The following ANKRD27 variants were observed in gnomAD, a reference collection of about 807,000 sequenced individuals.
ANKRD27 encodes the protein ankyrin repeat domain 27, also known as ankyrin repeat domain-containing protein 27.
A neutral mutation model predicts 129.7 loss-of-function variants in ANKRD27; 112 were observed. The observed-to-expected ratio is 0.86, with a 90% confidence interval of 0.74 to 1.01. The LOEUF (loss-of-function observed/expected upper bound fraction) is 1.01. ANKRD27 is among the 50% of genes least tolerant of loss of function. The pLI, the probability that ANKRD27 is intolerant of heterozygous loss-of-function variation, is 0.00. For synonymous variants in ANKRD27, 516 were observed against 511.2 expected (o/e 1.01, Z -0.13); for missense variants, 1,258 against 1,300.5 (o/e 0.97, Z 0.50).
Position 32,622,541 on chromosome 19 carries a change from G to A in ANKRD27, c.1708C>T (p.His570Tyr), listed in dbSNP as rs901881084. The part of the protein sequence containing the change: ...IGNEKGDTPL[H>Y]IAARWGYQGV... ...TGGTAGCCCCAGCGGGCAGCAATGTGTAGAGGGGTGTCTCCTTTCTCATTG... is the reference window on the plus strand; with the variant it reads ...TGGTAGCCCCAGCGGGCAGCAATGTATAGAGGGGTGTCTCCTTTCTCATTG... The change falls in exon 18 of 29, where the codon CAC (histidine) becomes TAC (tyrosine). Residue 570 changes from histidine (H) to tyrosine (Y), a missense_variant. Transcript: ENST00000306065. The A allele has an allele frequency of 3.1e-6, 5 of 1,614,026 alleles. No homozygotes were observed. The highest frequency in any genetic ancestry group is 4.2e-6 in the Non-Finnish European group (5 of 1,180,038).
intron 12 of ANKRD27, among the ~76,000 whole-genome samples, chr19:32,635,707 C>A (rs970036413): frequency 6.6e-6 from 1 of 152,068 alleles, no homozygotes; most frequent in Non-Finnish European, 1.5e-5. Context: ...ATCCGAGATG[C>A]GATGGATGAC....
rs79299930 is a variant in ANKRD27, at chr19:32,657,847, C to T, written c.102+1067G>A. 2.1e-3 allele frequency among the ~76,000 whole-genome samples: 312 copies of T among 151,812 alleles called. 1 individual carries two copies. Among genetic ancestry groups the T allele is most frequent in the African/African-American group, 7.1e-3 (292 of 41,394 alleles). Reference sequence around the variant, plus strand: ...AAAATTAGCTGGACGTGGTTGCACACACCTGCAATCCCAGATACTTGGGAG... The same window carrying T: ...AAAATTAGCTGGACGTGGTTGCACATACCTGCAATCCCAGATACTTGGGAG... On this transcript the variant is annotated intron_variant, in intron 2 of 28. Coordinates refer to ENST00000306065, the MANE Select transcript of ANKRD27 (RefSeq NM_032139.3).
chr19:32,669,464 T>G (rs981429788), intron 1 of ANKRD27, among the ~76,000 whole-genome samples: 2 of 152,218 alleles, frequency 1.3e-5, no homozygotes, highest in Non-Finnish European at 2.9e-5. Context: ...AAACTCTTTC[T>G]AGTTCCTGAC....
At chr19:32,659,074 T>A in intron 1 of ANKRD27, 29 bp from the exon 2 acceptor site, 3 of 1,230,352 alleles carry the variant, frequency 2.4e-6, no homozygotes, top group Non-Finnish European at 3.6e-6. Context: ...AAGCAGTGAA[T>A]AGCCATTTTC....
In ANKRD27 at chr19:32,641,103, G is replaced by A. The variant is rs563987653; in HGVS notation, c.905-718C>T. ...TTTTTAGTAGAGACAGGGTTTCACC[G>A]TGCTAGCCAGGATGGTCTCGATCTC... On this transcript the variant is annotated intron_variant, in intron 10 of 28. Transcript: ENST00000306065. Among the ~76,000 whole-genome samples, 11 of 151,684 alleles carry A rather than the reference G, an allele frequency of 7.3e-5. No homozygotes were observed. The East Asian group carries it at 1.9e-3, about 27-fold the overall frequency.
At chr19:32,611,351 C>A (rs7247597) in intron 22 of ANKRD27, among the ~76,000 whole-genome samples, 88,784 of 151,952 alleles carry the variant, frequency 0.58, 27,052 homozygotes, top group Non-Finnish European at 0.69. Flanking sequence ...CATAGCCACC[C>A]ACCTCGGGGA....
intron 5 of ANKRD27, 55 bp downstream of exon 5, chr19:32,644,270 C>T (rs772113769): frequency 3.2e-5 from 51 of 1,588,964 alleles, no homozygotes; most frequent in Admixed American, 6.7e-5. Flanking sequence ...GCTCCCAGCA[C>T]CCTGCACTGA....
chr19:32,652,294 A>C (rs535270464), intron 2 of ANKRD27, among the ~76,000 whole-genome samples: 4 of 152,212 alleles, frequency 2.6e-5, no homozygotes, highest in Non-Finnish European at 5.9e-5. Context: ...TTTAAATCAC[A>C]GTAATTAAAG....
chr19:32,604,895 T>TAA (rs59062300), intron 24 of ANKRD27, among the ~76,000 whole-genome samples: 6,535 of 149,610 alleles, frequency 0.044, 172 homozygotes, highest in African/African-American at 0.066. Flanking sequence ...CCATCTCTAC[T>TAA]AAAAAAAAAC....
chr19:32,612,323 A>C (rs2145266495), intron 22 of ANKRD27, among the ~76,000 whole-genome samples: 1 of 152,340 alleles, frequency 6.6e-6, no homozygotes, highest in South Asian at 2.1e-4. Flanking sequence ...TATAGGTTTA[A>C]TGTAATTCCT....
intron 2 of ANKRD27, among the ~76,000 whole-genome samples, chr19:32,652,562 C>T (rs1041381677): frequency 6.6e-6 from 1 of 151,280 alleles, no homozygotes; most frequent in Non-Finnish European, 1.5e-5. Flanking sequence ...GCTACAAGAG[C>T]GAAACTCCAT....
At chr19:32,629,223 G>C (rs1286037330) in intron 13 of ANKRD27, among the ~76,000 whole-genome samples, 7 of 152,174 alleles carry the variant, frequency 4.6e-5, no homozygotes, top group Non-Finnish European at 1.0e-4. Flanking sequence ...ACCTGGCCGA[G>C]AGTCCTTTTA....
chr19:32,619,199 G>A (rs1420638831), intron 20 of ANKRD27, 61 bp downstream of exon 20: 2 of 1,563,228 alleles, frequency 1.3e-6, no homozygotes, highest in Non-Finnish European at 1.7e-6. Context: ...TCTTCAGCTG[G>A]ACACCACTGC....
intron 25 of ANKRD27, among the ~76,000 whole-genome samples, chr19:32,603,881 C>T (rs907512950): frequency 3.9e-5 from 6 of 152,204 alleles, no homozygotes; most frequent in Non-Finnish European, 1.5e-5. Flanking sequence ...CCTTCTCCAT[C>T]GTGCTGCTAA....
intron 1 of ANKRD27, among the ~76,000 whole-genome samples, chr19:32,660,150 T>G (rs531336643): frequency 2.0e-5 from 3 of 152,216 alleles, no homozygotes; most frequent in Non-Finnish European, 4.4e-5. Flanking sequence ...TAAATGTTTA[T>G]GTCCCCCAAA....
intron 26 of ANKRD27, 41 bp from the exon 27 acceptor site, chr19:32,600,091 G>T: frequency 7.3e-7 from 1 of 1,375,030 alleles, no homozygotes; most frequent in Non-Finnish European, 1.0e-6. Context: ...TTCAAAAACA[G>T]TTGTAAAGAT....
At chr19:32,661,725 T>C (rs989271178) in intron 1 of ANKRD27, among the ~76,000 whole-genome samples, 4 of 152,164 alleles carry the variant, frequency 2.6e-5, no homozygotes, top group African/African-American at 4.8e-5. Flanking sequence ...CCCAAGTCCA[T>C]ACATACTCAA....
At chr19:32,645,099 G>A (rs1967275970) in intron 4 of ANKRD27, among the ~76,000 whole-genome samples, 1 of 152,136 alleles carries the variant, frequency 6.6e-6, no homozygotes, top group African/African-American at 2.4e-5. Context: ...TATTTTCCAT[G>A]ATGTTTAACC....
intron 26 of ANKRD27, among the ~76,000 whole-genome samples, chr19:32,601,646 G>C (rs1024954117): frequency 4.0e-5 from 6 of 150,442 alleles, no homozygotes; most frequent in Non-Finnish European, 8.9e-5. Flanking sequence ...TTGAAAGGTA[G>C]CATTTACCCT....
Sources: allele counts gnomAD v4.1 joint callset (sites outside exome capture counted in the v4.1 genomes callset), GRCh38; gene constraint gnomAD v4.1.1; transcripts MANE v1.5; gene names NCBI Gene and HGNC (gene_info 2026-07-23, HGNC 2026-07-21).